TUSC3: variants seen among roughly 807,000 people sequenced by gnomAD.
TUSC3 encodes dolichyl-diphosphooligosaccharide--protein glycosyltransferase subunit TUSC3.
A neutral mutation model predicts 44.8 loss-of-function variants in TUSC3; 45 were observed. That is an observed-to-expected ratio of 1.00 (90% CI 0.79 to 1.29). TUSC3 has a LOEUF of 1.29. Among genes scored for constraint, TUSC3 ranks in the 50% most tolerant of loss-of-function variants. The pLI, the probability that TUSC3 is intolerant of heterozygous loss-of-function variation, is 0.00. For synonymous variants in TUSC3, 212 were observed against 152.9 expected, an observed-to-expected ratio of 1.39 and a Z score of -2.85; for missense variants, 519 against 437.9, an observed-to-expected ratio of 1.19 and a Z score of -1.65.
rs182493849 is a variant in TUSC3, at chr8:15,622,083, G to A, written c.139-997G>A. On this transcript the variant is annotated intron_variant, in intron 1 of 10. Coordinates refer to ENST00000503731, the MANE Select transcript of TUSC3 (RefSeq NM_006765.4). The stretch of plus-strand genomic sequence containing the variant: ...TCCTTTTTCACCTGAGAGGAGAGGG[G>A]AAAGAGATTACTTTTCTCTCTGATT... 5.9e-3 allele frequency among the ~76,000 whole-genome samples: 892 copies of A among 152,168 alleles called. 9 individuals carry two copies. The highest frequency in any genetic ancestry group is 0.02 in the African/African-American group (829 of 41,500).
intron 1 of TUSC3, among the ~76,000 whole-genome samples, chr8:15,470,240 C>T (rs892554164): frequency 7.5e-6 from 1 of 133,408 alleles, no homozygotes; most frequent in Non-Finnish European, 1.6e-5. Flanking sequence ...GCCTGGGCAA[C>T]AGAGAAAGAC....
At chr8:15,483,748 C>A (rs182255567) in intron 2 of TUSC3, among the ~76,000 whole-genome samples, 1 of 149,728 alleles carries the variant, frequency 6.7e-6, no homozygotes. Context: ...CTCCGCCTCC[C>A]GAGTTCATGC....
chr8:15,709,529 C>T (rs1251137446), intron 6 of TUSC3, among the ~76,000 whole-genome samples: 18 of 151,778 alleles, frequency 1.2e-4, no homozygotes, highest in Non-Finnish European at 1.2e-4. Flanking sequence ...CAGAATTTAG[C>T]TCCAGATGAA....
chr8:15,687,041 G>C (rs1310842631), intron 6 of TUSC3, among the ~76,000 whole-genome samples: 1 of 152,040 alleles, frequency 6.6e-6, no homozygotes, highest in Non-Finnish European at 1.5e-5. Flanking sequence ...CCACTGCACT[G>C]CAGCCTGGGT....
intron 2 of TUSC3, among the ~76,000 whole-genome samples, chr8:15,528,105 T>A (rs1801399812): frequency 6.6e-6 from 1 of 152,200 alleles, no homozygotes; most frequent in Non-Finnish European, 1.5e-5. Flanking sequence ...TTGTAATCCT[T>A]TACCAATAAA....
chr8:15,521,910 G>A lies in TUSC3; in HGVS notation n.189+38427G>A, dbSNP rs368107701. On this transcript the variant is annotated intron_variant and non_coding_transcript_variant, in intron 2 of 5. Transcript: ENST00000503191. ...ATTAGGTTGGTGCAAAAGTTATTGT[G>A]GTTTCTGCAATTAAAGTAATAGCAA... is the stretch of plus-strand genomic sequence containing the variant. Among the ~76,000 whole-genome samples the A allele has an allele frequency of 1.4e-4, 21 of 152,230 alleles. No individual in the cohort carries two copies. In the East Asian group the frequency reaches 3.9e-3, roughly 28 times the overall value.
chr8:15,829,198 A>G, the TUSC3 span, among the ~76,000 whole-genome samples: 8 of 151,312 alleles, frequency 5.3e-5, no homozygotes, highest in African/African-American at 2.0e-4. Flanking sequence ...ATTAAATTAC[A>G]TTTGTTTCTA....
At chr8:15,685,824 G>A (rs1808603734) in intron 6 of TUSC3, among the ~76,000 whole-genome samples, 1 of 151,598 alleles carries the variant, frequency 6.6e-6, no homozygotes, top group Non-Finnish European at 1.5e-5. Context: ...GTAAAAGACA[G>A]GAGTATTTTG....
intron 1 of TUSC3, among the ~76,000 whole-genome samples, chr8:15,556,927 G>A (rs971147308): frequency 6.7e-6 from 1 of 149,302 alleles, no homozygotes; most frequent in African/African-American, 2.4e-5. Context: ...TGAGTAGGTT[G>A]TGAAAATTTT....
chr8:15,698,141 T>C (rs918787286), intron 6 of TUSC3, among the ~76,000 whole-genome samples: 61 of 152,320 alleles, frequency 4.0e-4, no homozygotes, highest in African/African-American at 1.4e-3. Flanking sequence ...AAGTTTATAA[T>C]ATTCAAAGTA....
intron 1 of TUSC3, among the ~76,000 whole-genome samples, chr8:15,556,422 G>T: frequency 6.6e-6 from 1 of 151,356 alleles, no homozygotes; most frequent in Middle Eastern, 3.2e-3. Flanking sequence ...ATTTGGGTTG[G>T]TTCCAAGTCT....
At chr8:15,810,378 C>G in the TUSC3 span, among the ~76,000 whole-genome samples, 1 of 152,136 alleles carries the variant, frequency 6.6e-6, no homozygotes, top group Admixed American at 6.6e-5. Flanking sequence ...TGGCGTATGT[C>G]TATAATCTCT....
chr8:15,829,186 C>T, the TUSC3 span, among the ~76,000 whole-genome samples: 11 of 152,040 alleles, frequency 7.2e-5, no homozygotes, highest in African/African-American at 1.5e-4. Context: ...AACCAGTTCC[C>T]CATTAAATTA....
rs368547231 is a variant in TUSC3, at chr8:15,659,693, G to A, written c.567+46G>A. On this transcript the variant is annotated intron_variant, in intron 4 of 10. Transcript: ENST00000503731. ...GTTTTAATAATAGGCTGGTTAGTTT[G>A]TTTTTATGGAGCATTTTAATAAGGC... is the stretch of plus-strand genomic sequence containing the variant. 2.1e-5 allele frequency: 34 copies of A among 1,605,368 alleles called. 1 individual carries two copies. The African/African-American group carries it at 4.1e-4, about 20-fold the overall frequency.
At chr8:15,584,512 A>C (rs964927640) in intron 1 of TUSC3, among the ~76,000 whole-genome samples, 1 of 152,262 alleles carries the variant, frequency 6.6e-6, no homozygotes, top group Non-Finnish European at 1.5e-5. Flanking sequence ...TGAGGGAGAC[A>C]GGAAAACTAA....
intron 1 of TUSC3, among the ~76,000 whole-genome samples, chr8:15,611,522 C>A (rs1334722152): frequency 6.6e-6 from 1 of 152,152 alleles, no homozygotes; most frequent in Non-Finnish European, 1.5e-5. Flanking sequence ...TAATTGTTTT[C>A]TGATGGATTG....
chr8:15,819,252 C>T, the TUSC3 span, among the ~76,000 whole-genome samples: 20,752 of 152,066 alleles, frequency 0.14, 1,540 homozygotes, highest in East Asian at 0.25. Flanking sequence ...TAATCTCAAA[C>T]CCTGTCTCCA....
At chr8:15,501,570 C>A (rs553093480) in intron 2 of TUSC3, among the ~76,000 whole-genome samples, 1 of 152,220 alleles carries the variant, frequency 6.6e-6, no homozygotes, top group South Asian at 2.1e-4. Flanking sequence ...TCAAATTGGT[C>A]ACAATGTTTT....
At chr8:15,457,863 A>G (rs1417467317) in intron 1 of TUSC3, among the ~76,000 whole-genome samples, 1 of 63,440 alleles carries the variant, frequency 1.6e-5, no homozygotes, top group East Asian at 3.8e-4. Context: ...TAATTATCTA[A>G]TAAATTAATT....
Sources: gnomAD v4.1 joint callset for allele counts (sites outside exome capture counted in the v4.1 genomes callset) on GRCh38, gnomAD v4.1.1 for gene constraint, MANE v1.5 for transcripts, NCBI Gene and HGNC (gene_info 2026-07-23, HGNC 2026-07-21) for gene names.